Variants in MLLT3 observed in about 807,000 individuals in gnomAD.
MLLT3 encodes the protein protein AF-9.
In MLLT3, 4 loss-of-function variants were observed where a neutral mutation model predicts 53.2. The ratio of observed to expected loss-of-function variants is 0.08; its 90% CI spans 0.04 to 0.17. MLLT3 has a LOEUF of 0.17. MLLT3 is among the 10% of genes least tolerant of loss of function. The pLI is 1.00. For missense variants in MLLT3, 569 were observed against 684.0 expected (o/e 0.83, Z 1.87); for synonymous variants, 283 against 230.6 (o/e 1.23, Z -2.06).
At chr9:20,554,298 T>C (rs1428941901) in intron 2 of MLLT3, among the ~76,000 whole-genome samples, 1 of 152,196 alleles carries the variant, frequency 6.6e-6, no homozygotes, top group Non-Finnish European at 1.5e-5. Flanking sequence ...AAGACCTCTG[T>C]TCTCTATTAC....
intron 2 of MLLT3, among the ~76,000 whole-genome samples, chr9:20,604,395 T>C (rs947542377): frequency 4.0e-5 from 6 of 148,594 alleles, no homozygotes; most frequent in African/African-American, 1.2e-4. Context: ...CTAAAAGTCT[T>C]CAGATACAAA....
intron 5 of MLLT3, among the ~76,000 whole-genome samples, chr9:20,370,055 C>G (rs916489933): frequency 2.6e-5 from 4 of 152,192 alleles, no homozygotes; most frequent in Admixed American, 2.6e-4. Context: ...TGCTGATCCT[C>G]TAACCACATG....
intron 2 of MLLT3, among the ~76,000 whole-genome samples, chr9:20,541,098 AAG>A (rs1818618185): frequency 6.6e-6 from 1 of 152,216 alleles, no homozygotes; most frequent in African/African-American, 2.4e-5. Flanking sequence ...AAATTATAGC[AAG>A]AGTGACCTTT....
chr9:20,509,133 G>A (rs1302749410), intron 2 of MLLT3, among the ~76,000 whole-genome samples: 4 of 152,144 alleles, frequency 2.6e-5, no homozygotes, highest in Non-Finnish European at 4.4e-5. Flanking sequence ...TACATTCCAT[G>A]AAGATCTAAT....
At chr9:20,355,925 A>AT (rs1230903728) in intron 8 of MLLT3, among the ~76,000 whole-genome samples, 1 of 152,210 alleles carries the variant, frequency 6.6e-6, no homozygotes, top group East Asian at 1.9e-4. Flanking sequence ...TAACATAAAG[A>AT]TTTTAAGAAT....
intron 4 of MLLT3, among the ~76,000 whole-genome samples, chr9:20,426,237 T>A (rs1015544404): frequency 6.6e-6 from 1 of 152,154 alleles, no homozygotes; most frequent in African/African-American, 2.4e-5. Flanking sequence ...AACTAAAAAT[T>A]TGAAGTAATA....
chr9:20,618,154 A>C (rs986922208), intron 2 of MLLT3, among the ~76,000 whole-genome samples: 2 of 152,210 alleles, frequency 1.3e-5, no homozygotes, highest in Admixed American at 6.5e-5. Context: ...TAAAGATCTT[A>C]TAACTCAGAT....
intron 4 of MLLT3, among the ~76,000 whole-genome samples, chr9:20,427,789 T>C (rs560591966): frequency 6.6e-6 from 1 of 152,070 alleles, no homozygotes; most frequent in Admixed American, 6.6e-5. Context: ...TTTTTAGGAA[T>C]TTTTTTCAGC....
rs573109858 is a variant in MLLT3, at chr9:20,470,406, C to T, written c.194-13620G>A. 6.6e-5 allele frequency among the ~76,000 whole-genome samples: 10 copies of T among 151,982 alleles called. 1 individual carries two copies. Among genetic ancestry groups the T allele is most frequent in the East Asian group, 3.9e-4 (2 of 5,188 alleles). ...TTGCTCTCCCTGTGTGTTGTCATTT[C>T]GTATGTTGAAAACCCACTATCTAAT... On this transcript the variant is annotated intron_variant, in intron 2 of 10. Transcript: ENST00000380338.
chr9:20,566,531 C>A (rs1008992027), intron 2 of MLLT3, among the ~76,000 whole-genome samples: 1 of 152,052 alleles, frequency 6.6e-6, no homozygotes, highest in Non-Finnish European at 1.5e-5. Context: ...TACTTAAACA[C>A]GTATACATGC....
chr9:20,566,759 A>G (rs1040526165), intron 2 of MLLT3, among the ~76,000 whole-genome samples: 8 of 152,142 alleles, frequency 5.3e-5, no homozygotes, highest in African/African-American at 1.9e-4. Context: ...GTGTCCTTAC[A>G]TATGCTTGTG....
chr9:20,555,870 C>T (rs985667275), intron 2 of MLLT3, among the ~76,000 whole-genome samples: 1 of 152,216 alleles, frequency 6.6e-6, no homozygotes, highest in Non-Finnish European at 1.5e-5. Context: ...AACAAAATTA[C>T]AGGAGCATCC....
chr9:20,483,784 TGC>T (rs1485674757), intron 2 of MLLT3, among the ~76,000 whole-genome samples: 2 of 139,456 alleles, frequency 1.4e-5, no homozygotes, highest in Non-Finnish European at 3.0e-5. Flanking sequence ...CTTGGCTCAC[TGC>T]AAGGTCCGCC....
At chr9:20,497,575 C>T (rs1459352210) in intron 2 of MLLT3, among the ~76,000 whole-genome samples, 1 of 152,144 alleles carries the variant, frequency 6.6e-6, no homozygotes, top group African/African-American at 2.4e-5. Context: ...TGGCATCTTT[C>T]ACTAAATGTA....
At chr9:20,599,073 A>C (rs1264889500) in intron 2 of MLLT3, among the ~76,000 whole-genome samples, 1 of 152,214 alleles carries the variant, frequency 6.6e-6, no homozygotes, top group Non-Finnish European at 1.5e-5. Flanking sequence ...TGGGAGGCCA[A>C]GGCGGGCAGA....
intron 5 of MLLT3, among the ~76,000 whole-genome samples, chr9:20,378,145 G>A (rs984959938): frequency 6.6e-6 from 1 of 150,942 alleles, no homozygotes; most frequent in Non-Finnish European, 1.5e-5. Flanking sequence ...TTTTTTGTAT[G>A]TGTTTTCTTG....
chr9:20,546,774 T>C lies in MLLT3; in HGVS notation c.193+73880A>G, dbSNP rs56761271. ...CCTCTCTCACTCCCATCCTGTCCCG[T>C]GGAACAGGCAGGGGCCATACAGGGG... On this transcript the variant is annotated intron_variant, in intron 2 of 10. Transcript: ENST00000380338. Among the ~76,000 whole-genome samples the C allele has an allele frequency of 2.6e-5, 4 of 152,328 alleles. No homozygotes were observed. The East Asian group carries it at 7.7e-4, about 29-fold the overall frequency.
intron 5 of MLLT3, among the ~76,000 whole-genome samples, chr9:20,404,705 T>C (rs1371044790): frequency 6.6e-6 from 1 of 152,020 alleles, no homozygotes; most frequent in Non-Finnish European, 1.5e-5. Flanking sequence ...ATGATCTCAC[T>C]ATGTTGCCCA....
chr9:20,571,076 C>A (rs1396783055), intron 2 of MLLT3, among the ~76,000 whole-genome samples: 1 of 152,156 alleles, frequency 6.6e-6, no homozygotes, highest in Non-Finnish European at 1.5e-5. Flanking sequence ...CACACAGTGG[C>A]TTAGTTACAC....
Sources: allele counts gnomAD v4.1 joint callset (sites outside exome capture counted in the v4.1 genomes callset), GRCh38; gene constraint gnomAD v4.1.1; transcripts MANE v1.5; gene names NCBI Gene and HGNC (gene_info 2026-07-23, HGNC 2026-07-21).